The following GRIA1 variants were observed in gnomAD, a reference collection of about 807,000 sequenced individuals.
GRIA1 encodes glutamate receptor 1.
A neutral mutation model predicts 99.2 loss-of-function variants in GRIA1; 31 were observed. The ratio of observed to expected loss-of-function variants is 0.31; its 90% confidence interval spans 0.23 to 0.42. GRIA1 has a LOEUF of 0.42. Among genes scored for constraint, GRIA1 ranks in the 10% least tolerant of loss-of-function variants. The pLI is 1.00. For missense variants in GRIA1, 782 were observed against 1,157.5 expected (o/e 0.68, Z 4.71); for synonymous variants, 438 against 432.4 (o/e 1.01, Z -0.16).
At chr5:153,621,429 C>G (rs1368369390) in intron 2 of GRIA1, among the ~76,000 whole-genome samples, 1 of 143,292 alleles carries the variant, frequency 7.0e-6, no homozygotes, top group African/African-American at 2.5e-5. Flanking sequence ...CAGTGAGACC[C>G]TATCTTTACA....
At chr5:153,720,263 A>G (rs1390704676) in intron 11 of GRIA1, among the ~76,000 whole-genome samples, 1 of 152,206 alleles carries the variant, frequency 6.6e-6, no homozygotes, top group African/African-American at 2.4e-5. Context: ...CTTAACAAAC[A>G]ATAAGCAATT....
intron 11 of GRIA1, among the ~76,000 whole-genome samples, chr5:153,736,403 A>C (rs6580036): frequency 0.55 from 83,124 of 152,012 alleles, 23,838 homozygotes; most frequent in East Asian, 0.94. Flanking sequence ...CCAACTGAAA[A>C]CTTTAATTAA....
intron 11 of GRIA1, among the ~76,000 whole-genome samples, chr5:153,708,692 C>T (rs188379816): frequency 1.2e-4 from 18 of 152,224 alleles, no homozygotes; most frequent in Middle Eastern, 3.4e-3. Flanking sequence ...CTGGAAGAAA[C>T]GATGCCACTG....
At chr5:153,573,949 C>T (rs992149995) in intron 2 of GRIA1, among the ~76,000 whole-genome samples, 1 of 152,052 alleles carries the variant, frequency 6.6e-6, no homozygotes, top group Non-Finnish European at 1.5e-5. Flanking sequence ...GAAGAAGTCA[C>T]CTAGCTGGCA....
chr5:153,566,287 G>A (rs932566641), intron 2 of GRIA1, among the ~76,000 whole-genome samples: 4 of 63,240 alleles, frequency 6.3e-5, no homozygotes, highest in Non-Finnish European at 1.1e-4. Flanking sequence ...TGGAGAAATA[G>A]CTCTCCAATT....
chr5:153,780,832 T>C (rs1318725914), intron 13 of GRIA1, among the ~76,000 whole-genome samples: 1 of 152,192 alleles, frequency 6.6e-6, no homozygotes, highest in Non-Finnish European at 1.5e-5. Context: ...CCCAAATTAG[T>C]GGCAATTACC....
At chr5:153,543,902 A>G (rs1411801068) in intron 2 of GRIA1, among the ~76,000 whole-genome samples, 1 of 152,084 alleles carries the variant, frequency 6.6e-6, no homozygotes, top group African/African-American at 2.4e-5. Flanking sequence ...ACAGACAAGC[A>G]AATGCCAGGT....
intron 11 of GRIA1, among the ~76,000 whole-genome samples, chr5:153,729,111 A>G (rs1760809290): frequency 6.6e-6 from 1 of 150,716 alleles, no homozygotes; most frequent in South Asian, 2.2e-4. Flanking sequence ...GGAAATCATC[A>G]TTCTCAGTAA....
chr5:153,594,497 A>G (rs1172410506), intron 2 of GRIA1, among the ~76,000 whole-genome samples: 1 of 151,214 alleles, frequency 6.6e-6, no homozygotes. Flanking sequence ...TTTTTCCTTC[A>G]TTATAGCATT....
At chr5:153,791,335 T>A (rs1765294540) in intron 13 of GRIA1, among the ~76,000 whole-genome samples, 1 of 151,896 alleles carries the variant, frequency 6.6e-6, no homozygotes, top group Non-Finnish European at 1.5e-5. Flanking sequence ...TTCCTTGTTG[T>A]GAAGTTGTGA....
chr5:153,644,313 G>T (rs1196485459), intron 2 of GRIA1, among the ~76,000 whole-genome samples: 3 of 152,140 alleles, frequency 2.0e-5, no homozygotes, highest in African/African-American at 7.2e-5. Flanking sequence ...TACTCATTAG[G>T]GTGGAGGAGA....
At chr5:153,553,650 C>T (rs759340380) in intron 2 of GRIA1, among the ~76,000 whole-genome samples, 1 of 152,138 alleles carries the variant, frequency 6.6e-6, no homozygotes, top group Non-Finnish European at 1.5e-5. Flanking sequence ...GTGAGGCATT[C>T]TTCCCTTACC....
At chr5:153,803,442 C>A (rs1766190700) in intron 15 of GRIA1, among the ~76,000 whole-genome samples, 1 of 152,194 alleles carries the variant, frequency 6.6e-6, no homozygotes, top group East Asian at 1.9e-4. Context: ...GAGGGAGGTG[C>A]ATTCTATGAT....
At chr5:153,763,344 A>G (rs1763306559) in intron 11 of GRIA1, among the ~76,000 whole-genome samples, 1 of 152,168 alleles carries the variant, frequency 6.6e-6, no homozygotes, top group South Asian at 2.1e-4. Flanking sequence ...GGTAAAACTC[A>G]TGGGTTGCAT....
intron 12 of GRIA1, among the ~76,000 whole-genome samples, chr5:153,768,415 C>T (rs1340841402): frequency 2.6e-5 from 4 of 152,098 alleles, no homozygotes; most frequent in African/African-American, 9.7e-5. Context: ...ATAAACAAAC[C>T]CATGAGTGAG....
chr5:153,716,999 C>T (rs1476381685), intron 11 of GRIA1, among the ~76,000 whole-genome samples: 1 of 152,124 alleles, frequency 6.6e-6, no homozygotes, highest in African/African-American at 2.4e-5. Context: ...GCCCATCATG[C>T]CAAAGGAACA....
rs571069298 is a variant in GRIA1, at chr5:153,551,369, T to C, written c.220+57304T>C. 3.9e-5 allele frequency among the ~76,000 whole-genome samples: 6 copies of C among 152,260 alleles called. No homozygotes were observed. In the East Asian group the frequency reaches 1.2e-3, roughly 29 times the overall value. On this transcript the variant is annotated intron_variant, in intron 2 of 15. Transcript: ENST00000285900. ...ACAGTTTTTTTTGTTTGTTTGTTTC[T>C]TAATGAGCAGGCCTATGATTCCTAA... is the stretch of plus-strand genomic sequence containing the variant.
chr5:153,795,638 C>T (rs1162325018), intron 14 of GRIA1: 1 of 1,024,208 alleles, frequency 9.8e-7, no homozygotes, highest in South Asian at 1.3e-5. Flanking sequence ...CAAAAATGCA[C>T]AGTGTTGAAC....
At chr5:153,700,341 T>C (rs1208692994) in intron 10 of GRIA1, among the ~76,000 whole-genome samples, 1 of 152,100 alleles carries the variant, frequency 6.6e-6, no homozygotes, top group East Asian at 1.9e-4. Context: ...GCCAAGACCA[T>C]GCCATCGCAC....
Sources: gnomAD v4.1 joint callset for allele counts (sites outside exome capture counted in the v4.1 genomes callset) on GRCh38, gnomAD v4.1.1 for gene constraint, MANE v1.5 for transcripts, NCBI Gene and HGNC (gene_info 2026-07-23, HGNC 2026-07-21) for gene names.